The following DCLRE1A variants were observed in gnomAD, a reference collection of about 807,000 sequenced individuals.
DCLRE1A encodes the protein DNA cross-link repair 1A protein.
DCLRE1A carries 64 observed loss-of-function variants against 91.9 expected under a neutral mutation model. The ratio of observed to expected loss-of-function variants is 0.70; its 90% CI spans 0.57 to 0.86. DCLRE1A has a LOEUF of 0.86. Among genes scored for constraint, DCLRE1A ranks in the 40% least tolerant of loss-of-function variants. The pLI is 0.00. For synonymous variants in DCLRE1A, 416 were observed against 431.1 expected (o/e 0.96, Z 0.43); for missense variants, 1,145 against 1,213.3 (o/e 0.94, Z 0.84).
intron 7 of DCLRE1A, among the ~76,000 whole-genome samples, chr10:113,839,571 T>G (rs993768694): frequency 2.6e-5 from 4 of 152,112 alleles, no homozygotes; most frequent in African/African-American, 9.7e-5. Flanking sequence ...ACCCAGTCAC[T>G]TTAATGGAGG....
intron 6 of DCLRE1A, among the ~76,000 whole-genome samples, chr10:113,842,102 T>C (rs185820205): frequency 6.6e-6 from 1 of 152,336 alleles, no homozygotes; most frequent in Non-Finnish European, 1.5e-5. Flanking sequence ...GCAGCTGCTC[T>C]ATAAATTTCT....
At position 113,835,307 on chromosome 10, in the gene DCLRE1A, G is replaced by C. The variant is rs1186349857; in HGVS notation, c.2968C>G (p.Pro990Ala). The change falls in exon 9 of 9, where the codon CCT becomes GCT. Residue 990 changes from proline to alanine, a missense_variant. Pro to Ala is a conservative substitution (Grantham distance 27). Transcript: ENST00000361384. ...AGGTAGCTGCTGTGTTCACTGTAAG[G>C]AATTCCTGTAACAAAAAATAAACGA... ...TKGNISIYGI[P>A]YSEHSSYLEM... The C allele has an allele frequency of 6.3e-7, 1 of 1,581,826 alleles. No homozygotes were observed. The highest frequency in any genetic ancestry group is 8.6e-7 in the Non-Finnish European group (1 of 1,168,786).
chr10:113,839,050 G>T (rs1441585554), intron 7 of DCLRE1A, among the ~76,000 whole-genome samples: 2 of 152,144 alleles, frequency 1.3e-5, no homozygotes, highest in African/African-American at 4.8e-5. Flanking sequence ...CCGAGGCCGG[G>T]CGTGGTGGCT....
chr10:113,845,888 A>G (rs1845530476), intron 3 of DCLRE1A, 85 bp from the exon 4 acceptor site: 2 of 1,098,904 alleles, frequency 1.8e-6, no homozygotes, highest in Non-Finnish European at 2.8e-6. Flanking sequence ...TAGCATCTTA[A>G]TAACATCCAT....
chr10:113,842,398 T>A lies in DCLRE1A; in HGVS notation c.2610A>T (p.Pro870=). The change falls in exon 6 of 9, where the codon CCA becomes CCT. Residue 870 remains proline, a synonymous_variant. Transcript: ENST00000361384. The part of the protein sequence containing the change: ...NTAFEAVTLN[P]HALVVCGTYS... ...AAGTGCCACAGACAACAAGAGCATG[T>A]GGGTTTAGAGTTACAGCCTCAAAGG... The A allele has an allele frequency of 6.2e-7, 1 of 1,613,936 alleles. No homozygotes were observed. Among genetic ancestry groups the A allele is most frequent in the Non-Finnish European group, 8.5e-7 (1 of 1,179,850 alleles).
chr10:113,836,994 A>T, intron 8 of DCLRE1A, 68 bp downstream of exon 8: 1 of 1,376,562 alleles, frequency 7.3e-7, no homozygotes, highest in Non-Finnish European at 9.7e-7. Context: ...TTTGAACCTT[A>T]TTACATTTTT....
rs746339898 is a variant in DCLRE1A at position 113,850,274 on chromosome 10, A to G, written c.831T>C (p.Leu277=). 4 of 1,614,194 alleles carry G rather than the reference A, an allele frequency of 2.5e-6. No homozygotes were observed. The South Asian group carries it at 4.4e-5, about 18-fold the overall frequency. ...AATTTATGTGTTCTGAGTTGTTTGC[A>G]AGACGCAAAGCAACTCCCACTAGTT... ...NDKLVGVALR[L]ANNSEHINLP... Residue 277 remains leucine, a synonymous_variant, in exon 2 of 9, where the codon CTT becomes CTC. Coordinates refer to ENST00000361384, the MANE Select transcript of DCLRE1A (RefSeq NM_014881.5).
chr10:113,835,019 ATG>A lies in DCLRE1A; in HGVS notation c.*131_*132del. ...CCACGAACATGTTGTTCAAACATAA[ATG>A]AGAAAATAAAGTATCTGAACAATCT... is the stretch of plus-strand genomic sequence containing the variant. On this transcript the variant is annotated 3_prime_UTR_variant, in exon 9 of 9. Coordinates refer to ENST00000361384, the MANE Select transcript of DCLRE1A (RefSeq NM_014881.5). The A allele has an allele frequency of 1.1e-6, 1 of 935,898 alleles. No homozygotes were observed. The highest frequency in any genetic ancestry group is 1.6e-6 in the Non-Finnish European group (1 of 628,248). The allele number at this position is 935,898 out of a possible 1,614,324, so 58.0% of individuals were successfully genotyped here.
rs529871670 is a variant in DCLRE1A, at chr10:113,839,527, GA to G, written c.2820+1878del. ...AATGTTTAATAAACAAATATTAAAA[GA>G]AAAAAAAGAAGTCTTCAGAAAATGT... On this transcript the variant is annotated intron_variant, in intron 7 of 8. Coordinates refer to ENST00000361384, the MANE Select transcript of DCLRE1A (RefSeq NM_014881.5). Among the ~76,000 whole-genome samples the G allele has an allele frequency of 2.6e-5, 4 of 151,530 alleles. No homozygotes were observed. The South Asian group carries it at 6.3e-4, about 24-fold the overall frequency.
chr10:113,841,531 C>A lies in DCLRE1A; in HGVS notation c.2695G>T (p.Gly899Cys). The A allele has an allele frequency of 6.2e-7, 1 of 1,610,754 alleles. No homozygotes were observed. Among genetic ancestry groups the A allele is most frequent in the Non-Finnish European group, 8.5e-7 (1 of 1,178,724 alleles). Residue 899 changes from glycine (G) to cysteine (C), a missense_variant, in exon 7 of 9, where the codon GGC becomes TGC. By Grantham distance (159) the Gly-to-Cys change is radical. Coordinates refer to ENST00000361384, the MANE Select transcript of DCLRE1A (RefSeq NM_014881.5). ...AIADVLGSKV[G>C]MSQEKYKTLQ... ...GTTTTATATTTTTCCTGGGACATGC[C>A]CACTTTTGAACCTAAAACATCAGCA...
chr10:113,852,274 T>C (rs1369992090), intron 1 of DCLRE1A, among the ~76,000 whole-genome samples: 1 of 152,218 alleles, frequency 6.6e-6, no homozygotes, highest in Admixed American at 6.5e-5. Context: ...AAGCGGAGCT[T>C]GCAGTGAGCC....
intron 6 of DCLRE1A, 91 bp downstream of exon 6, chr10:113,842,252 A>C: frequency 9.1e-7 from 1 of 1,099,884 alleles, no homozygotes; most frequent in Non-Finnish European, 1.2e-6. Context: ...AATAATTATC[A>C]AATGCAAGAG....
chr10:113,835,370 A>C (rs1465877325), intron 8 of DCLRE1A, 58 bp from the exon 9 acceptor site: 2 of 1,477,330 alleles, frequency 1.4e-6, no homozygotes, highest in Non-Finnish European at 1.8e-6. Context: ...AAACTTTCAC[A>C]ATCCTAAAAT....
At position 113,845,814 on chromosome 10, in the gene DCLRE1A, G is replaced by C. The variant is rs1845528598; in HGVS notation, c.2260-11C>G. On this transcript the variant is annotated splice_polypyrimidine_tract_variant and intron_variant, in intron 3 of 8. Coordinates refer to ENST00000361384, the MANE Select transcript of DCLRE1A (RefSeq NM_014881.5). ...CAAATTGCCAGTTATCTGCAAAACA[G>C]GACGTGCTTATTGCTGATGCAGTAA... The C allele has an allele frequency of 1.3e-6, 2 of 1,599,974 alleles. No homozygotes were observed. Among genetic ancestry groups the C allele is most frequent in the Non-Finnish European group, 1.7e-6 (2 of 1,167,256 alleles).
Position 113,850,573 on chromosome 10 carries a change from C to T in DCLRE1A, c.532G>A (p.Ala178Thr). ...HYKRYTHFLLAQSRAGDHPFS... is the reference protein window; with the variant it reads ...HYKRYTHFLLTQSRAGDHPFS... ...GGATGATCACCAGCCCTGCTTTGAG[C>T]TAGCAGGAAGTGAGTGTATCTCTTG... The change falls in exon 2 of 9, where the codon GCT (alanine) becomes ACT (threonine). Residue 178 changes from alanine (A) to threonine (T), a missense_variant. By Grantham distance (58) the Ala-to-Thr change is moderately conservative. Coordinates refer to ENST00000361384, the MANE Select transcript of DCLRE1A (RefSeq NM_014881.5). 4 of 1,614,118 alleles carry T rather than the reference C, an allele frequency of 2.5e-6. No homozygotes were observed. Among genetic ancestry groups the T allele is most frequent in the Non-Finnish European group, 3.4e-6 (4 of 1,180,022 alleles).
At chr10:113,839,324 CAAAAAAAAA>C (rs35405311) in intron 7 of DCLRE1A, among the ~76,000 whole-genome samples, 32 of 61,260 alleles carry the variant, frequency 5.2e-4, no homozygotes, top group Admixed American at 1.0e-3. Context: ...GACCCTGTCT[CAAAAAAAAA>C]AAAAAAAAAA....
chr10:113,841,588 A>G, intron 6 of DCLRE1A, 28 bp from the exon 7 acceptor site: 3 of 1,579,538 alleles, frequency 1.9e-6, no homozygotes, highest in Non-Finnish European at 2.6e-6. Flanking sequence ...GATTAAAAAT[A>G]GTAAACTTAC....
rs1474405041 is a variant in DCLRE1A, at chr10:113,837,398, T to C, written c.2821-195A>G. Among the ~76,000 whole-genome samples the C allele has an allele frequency of 2.6e-5, 4 of 152,102 alleles. No individual in the cohort carries two copies. In the East Asian group the frequency reaches 5.8e-4, roughly 22 times the overall value. Reference sequence around the variant, plus strand: ...TATAAAATATTTTCTCCTTTACTTATCTGAAGTTAAACAAGTACAGTCTGG... The same window carrying C: ...TATAAAATATTTTCTCCTTTACTTACCTGAAGTTAAACAAGTACAGTCTGG... On this transcript the variant is annotated intron_variant, in intron 7 of 8. Coordinates refer to ENST00000361384, the MANE Select transcript of DCLRE1A (RefSeq NM_014881.5).
chr10:113,843,975 C>T (rs1049193557), intron 5 of DCLRE1A, 129 bp downstream of exon 5: 7 of 1,304,292 alleles, frequency 5.4e-6, no homozygotes, highest in Admixed American at 2.7e-5. Context: ...ACATATTTTT[C>T]AAACAGCATC....
Sources: gnomAD v4.1 joint callset for allele counts (sites outside exome capture counted in the v4.1 genomes callset) on GRCh38, gnomAD v4.1.1 for gene constraint, MANE v1.5 for transcripts, NCBI Gene and HGNC (gene_info 2026-07-23, HGNC 2026-07-21) for gene names.